The following ADAM10 variants were observed in gnomAD, a reference collection of about 807,000 sequenced individuals.
ADAM10 encodes the protein ADAM metallopeptidase domain 10.
Under a neutral mutation model 90.1 loss-of-function variants are expected in ADAM10, and 17 were observed. The ratio of observed to expected loss-of-function variants is 0.19; its 90% CI spans 0.13 to 0.28. The LOEUF is 0.28. Ranked by LOEUF, ADAM10 falls within the 10% of genes least tolerant of loss-of-function variation. The probability of loss-of-function intolerance (pLI) is 1.00; values close to 1 mark genes in which losing one functional copy is unlikely to be tolerated. For missense variants in ADAM10, 610 were observed against 914.3 expected, an observed-to-expected ratio of 0.67 and a Z score of 4.29; for synonymous variants, 310 against 298.6, an observed-to-expected ratio of 1.04 and a Z score of -0.40.
At position 58,595,076 on chromosome 15, in the gene ADAM10, G is replaced by C. The variant is rs948036235; in HGVS notation, c.*2471C>G. 5.3e-5 allele frequency: 8 copies of C among 151,854 alleles called. No individual in the cohort carries two copies. The highest frequency in any genetic ancestry group is 1.9e-4 in the African/African-American group (8 of 41,350). 9.4% of individuals were successfully genotyped at this position (151,854 alleles called of 1,614,324 possible). A position where few individuals can be genotyped will look rare whatever the true frequency, so the allele number is the denominator to read the frequency against. The stretch of plus-strand genomic sequence containing the variant: ...AAACTAGGCTTTTTAAAATAAATGA[G>C]GTACTTAGCATTCAAAACTTTGAAA... On this transcript the variant is annotated 3_prime_UTR_variant, in exon 16 of 16. Coordinates refer to ENST00000260408, the MANE Select transcript of ADAM10 (RefSeq NM_001110.4).
intron 7 of ADAM10, among the ~76,000 whole-genome samples, chr15:58,643,575 C>T (rs1566977780): frequency 6.6e-6 from 1 of 152,182 alleles, no homozygotes; most frequent in Non-Finnish European, 1.5e-5. Flanking sequence ...AAGTCAAGCA[C>T]TATAGCCATA....
chr15:58,730,578 C>CT (rs1366977479), intron 1 of ADAM10, among the ~76,000 whole-genome samples: 6 of 152,102 alleles, frequency 3.9e-5, no homozygotes, highest in Non-Finnish European at 7.4e-5. Context: ...TATAATTCAC[C>CT]TTTTTTTCCT....
At chr15:58,600,204 C>G (rs1011180566) in intron 14 of ADAM10, among the ~76,000 whole-genome samples, 2 of 152,106 alleles carry the variant, frequency 1.3e-5, no homozygotes, top group Non-Finnish European at 2.9e-5. Context: ...GTGTGCAAAC[C>G]CAATCATCAC....
chr15:58,682,424 G>C, intron 2 of ADAM10, 110 bp from the exon 3 acceptor site: 6 of 1,465,594 alleles, frequency 4.1e-6, no homozygotes, highest in Non-Finnish European at 5.4e-6. Context: ...TATGAAATTT[G>C]TCTATTTGTG....
chr15:58,646,497 T>C (rs759428127), intron 5 of ADAM10, among the ~76,000 whole-genome samples: 3 of 152,186 alleles, frequency 2.0e-5, no homozygotes, highest in Non-Finnish European at 4.4e-5. Flanking sequence ...TACTTTGATA[T>C]CTTCTCTACC....
At chr15:58,725,506 A>C (rs1478693567) in intron 1 of ADAM10, among the ~76,000 whole-genome samples, 2 of 151,752 alleles carry the variant, frequency 1.3e-5, no homozygotes, top group African/African-American at 4.8e-5. Context: ...TGATCACAAC[A>C]GCCTCAGCAA....
intron 7 of ADAM10, among the ~76,000 whole-genome samples, chr15:58,641,637 T>G (rs1896419106): frequency 1.3e-5 from 2 of 152,206 alleles, no homozygotes; most frequent in Non-Finnish European, 2.9e-5. Context: ...GGTTCCTCCT[T>G]CAGAATCTGA....
chr15:58,737,002 G>A (rs1899452515), intron 1 of ADAM10, among the ~76,000 whole-genome samples: 1 of 151,972 alleles, frequency 6.6e-6, no homozygotes, highest in South Asian at 2.1e-4. Flanking sequence ...ACATGCAAGA[G>A]TGGCAGAAAA....
At chr15:58,706,207 C>T (rs1054686552) in intron 2 of ADAM10, among the ~76,000 whole-genome samples, 3 of 152,176 alleles carry the variant, frequency 2.0e-5, no homozygotes, top group South Asian at 2.1e-4. Context: ...TAATGAAGTA[C>T]GTTGCCAATA....
At chr15:58,636,999 C>A (rs138023366) in intron 8 of ADAM10, among the ~76,000 whole-genome samples, 9 of 152,266 alleles carry the variant, frequency 5.9e-5, no homozygotes, top group African/African-American at 2.2e-4. Flanking sequence ...TCCAAGGGAT[C>A]CAGACAAGCA....
chr15:58,661,059 T>G (rs532948339), intron 5 of ADAM10, among the ~76,000 whole-genome samples: 59 of 152,382 alleles, frequency 3.9e-4, no homozygotes, highest in African/African-American at 1.4e-3. Context: ...TTACATCACT[T>G]CACAAATTGT....
chr15:58,638,390 C>T (rs1375483495), intron 8 of ADAM10, among the ~76,000 whole-genome samples: 1 of 151,492 alleles, frequency 6.6e-6, no homozygotes, highest in African/African-American at 2.4e-5. Flanking sequence ...TAGAGGCGGG[C>T]GGATCACGAG....
At chr15:58,690,891 G>T (rs146563351) in intron 2 of ADAM10, among the ~76,000 whole-genome samples, 11 of 152,314 alleles carry the variant, frequency 7.2e-5, no homozygotes, top group African/African-American at 2.4e-4. Flanking sequence ...ATCCTCAAGG[G>T]AGAAGCCAGA....
intron 1 of ADAM10, among the ~76,000 whole-genome samples, chr15:58,722,726 CTTTT>C (rs71116592): frequency 4.7e-4 from 49 of 103,998 alleles, no homozygotes; most frequent in African/African-American, 1.6e-3. Flanking sequence ...AATTTGAGAA[CTTTT>C]TTTTTTTTTT....
At chr15:58,712,861 T>C (rs1351155732) in intron 2 of ADAM10, among the ~76,000 whole-genome samples, 1 of 151,832 alleles carries the variant, frequency 6.6e-6, no homozygotes, top group African/African-American at 2.4e-5. Context: ...CAGGACAACA[T>C]GGTATCTAAG....
chr15:58,692,540 G>A (rs1378063779), intron 2 of ADAM10: 1 of 528,962 alleles, frequency 1.9e-6, no homozygotes, highest in East Asian at 5.3e-5. Flanking sequence ...TCCTTCTCTG[G>A]TTCCTTCTCC....
In ADAM10 at chr15:58,689,381, T is replaced by C. The variant is rs552689798; in HGVS notation, c.207-7067A>G. Among the ~76,000 whole-genome samples, 3 of 152,158 alleles carry C rather than the reference T, an allele frequency of 2.0e-5. No individual in the cohort carries two copies. In the South Asian group the frequency reaches 6.2e-4, roughly 32 times the overall value. ...TGCATCTGTAGTCCCAGCTACTCAG[T>C]AGGATGAGGCAGGAGAATTGCTTGA... On this transcript the variant is annotated intron_variant, in intron 2 of 15. Coordinates refer to ENST00000260408, the MANE Select transcript of ADAM10 (RefSeq NM_001110.4).
intron 14 of ADAM10, among the ~76,000 whole-genome samples, chr15:58,600,420 T>C (rs1314958189): frequency 2.6e-5 from 4 of 152,208 alleles, no homozygotes; most frequent in Non-Finnish European, 5.9e-5. Flanking sequence ...TTTCCTCTTT[T>C]ATTTCATTTG....
rs1566966751 is a variant in ADAM10, at chr15:58,611,844, T to G, written c.1659A>C (p.Thr553=). The change falls in exon 12 of 16, where the codon ACA becomes ACC. Residue 553 remains threonine (T), a synonymous_variant. Coordinates refer to ENST00000260408, the MANE Select transcript of ADAM10 (RefSeq NM_001110.4). The part of the protein sequence containing the change: ...CPASDPKPNF[T]DCNRHTQVCI... Reference sequence around the variant, plus strand: ...ACACTTGTGTATGCCTATTACAGTCTGTGAAGTTTGGTTTAGGGTCAGATG... The same window carrying G: ...ACACTTGTGTATGCCTATTACAGTCGGTGAAGTTTGGTTTAGGGTCAGATG... 1 of 1,614,236 alleles carries G rather than the reference T, an allele frequency of 6.2e-7. No individual in the cohort carries two copies. The highest frequency in any genetic ancestry group is 1.3e-5 in the African/African-American group (1 of 75,064).
Sources: allele counts gnomAD v4.1 joint callset (sites outside exome capture counted in the v4.1 genomes callset), GRCh38; gene constraint gnomAD v4.1.1; transcripts MANE v1.5; gene names NCBI Gene and HGNC (gene_info 2026-07-23, HGNC 2026-07-21).